The following EFCAB8 variants were observed in gnomAD, a reference collection of about 807,000 sequenced individuals.
EFCAB8 encodes EF-hand calcium binding domain 8, also known as EF-hand calcium-binding domain-containing protein 8.
Under a neutral mutation model 116.3 loss-of-function variants are expected in EFCAB8, and 100 were observed. That is an observed-to-expected ratio of 0.86 (90% CI 0.73 to 1.02). EFCAB8 has a LOEUF of 1.02. Among genes scored for constraint, EFCAB8 ranks in the 50% least tolerant of loss-of-function variants. The pLI is 0.00. For missense variants in EFCAB8, 1,320 were observed against 1,416.9 expected (o/e 0.93, Z 1.10); for synonymous variants, 558 against 567.9 (o/e 0.98, Z 0.25).
At chr20:32,881,026 T>C (rs1985308264) in intron 5 of EFCAB8, among the ~76,000 whole-genome samples, 1 of 152,204 alleles carries the variant, frequency 6.6e-6, no homozygotes, top group Non-Finnish European at 1.5e-5. Context: ...CATTTAGTCA[T>C]TAATAATTCA....
rs1416073369 is a variant in EFCAB8 at position 32,918,379 on chromosome 20, C to G, written c.2079C>G (p.Asn693Lys). ...TGGTACAGGTGCAAGATGTGAACAA[C>G]TGCCTGGCTGAGAGCCACAGGCCCA... ...LQPKRVQDVN[N>K]CLAESHRPSR... The change falls in exon 19 of 27, where the codon AAC becomes AAG. Residue 693 changes from asparagine to lysine, a missense_variant. By Grantham distance (94) the Asn-to-Lys change is moderately conservative (BLOSUM62 0). Transcript: ENST00000400522. 1 of 1,551,758 alleles carries G rather than the reference C, an allele frequency of 6.4e-7. No individual in the cohort carries two copies.
In EFCAB8 at chr20:32,900,790, G is replaced by A. The variant is rs186498151; in HGVS notation, c.1088+2167G>A. ...TCACCATGTTGTCCAGGATGGTCTC[G>A]ATCTCCCAACCTTGTGATCCACCCA... On this transcript the variant is annotated intron_variant, in intron 11 of 26. Transcript: ENST00000400522. Among the ~76,000 whole-genome samples the A allele has an allele frequency of 5.9e-3, 898 of 152,120 alleles. 11 individuals are homozygous for A. The highest frequency in any genetic ancestry group is 0.02 in the African/African-American group (847 of 41,488).
chr20:32,939,582 G>A (rs886951830), intron 22 of EFCAB8, among the ~76,000 whole-genome samples: 2 of 144,706 alleles, frequency 1.4e-5, no homozygotes, highest in African/African-American at 2.6e-5. Flanking sequence ...CTCGCCTGGC[G>A]GGCTGGCTTT....
intron 1 of EFCAB8, among the ~76,000 whole-genome samples, chr20:32,863,318 C>G (rs1984215192): frequency 6.6e-6 from 1 of 152,148 alleles, no homozygotes; most frequent in Non-Finnish European, 1.5e-5. Flanking sequence ...TCTGTCTGCT[C>G]TCCCGAAGTC....
chr20:32,863,197 A>C lies in EFCAB8; in HGVS notation c.-10-586A>C, dbSNP rs566987025. On this transcript the variant is annotated intron_variant, in intron 1 of 26. Transcript: ENST00000400522. ...TCTTGCCTGGTGGGACTTGCTGACG[A>C]GGTGGATTGGTGCTCCAAAGACCCT... 5.3e-5 allele frequency among the ~76,000 whole-genome samples: 8 copies of C among 152,124 alleles called. No homozygotes were observed. The South Asian group carries it at 1.5e-3, about 28-fold the overall frequency.
intron 22 of EFCAB8, among the ~76,000 whole-genome samples, chr20:32,932,941 G>A (rs1183395766): frequency 2.6e-5 from 4 of 152,148 alleles, no homozygotes; most frequent in Non-Finnish European, 5.9e-5. Flanking sequence ...ATATTAAAAT[G>A]TCTTGGGAAC....
At chr20:32,886,607 C>T (rs184070291) in intron 6 of EFCAB8, among the ~76,000 whole-genome samples, 3 of 152,156 alleles carry the variant, frequency 2.0e-5, no homozygotes, top group Admixed American at 6.5e-5. Flanking sequence ...GGGGGAGTCA[C>T]GATCACCATC....
intron 1 of EFCAB8, among the ~76,000 whole-genome samples, chr20:32,861,489 A>G (rs1600350192): frequency 6.6e-6 from 1 of 152,072 alleles, no homozygotes; most frequent in Admixed American, 6.5e-5. Context: ...GGATTTCTCC[A>G]TGCTGGCCAG....
chr20:32,888,682 A>G (rs568079206), intron 6 of EFCAB8, among the ~76,000 whole-genome samples: 3 of 152,256 alleles, frequency 2.0e-5, no homozygotes, highest in African/African-American at 7.2e-5. Flanking sequence ...ATGGAAGCAT[A>G]TTATAATGTT....
chr20:32,895,837 C>T (rs779292575), intron 9 of EFCAB8, among the ~76,000 whole-genome samples: 1 of 151,992 alleles, frequency 6.6e-6, no homozygotes, highest in Non-Finnish European at 1.5e-5. Context: ...TCCCAAAGTG[C>T]TGGGATTACA....
chr20:32,935,021 G>T (rs562198929), intron 22 of EFCAB8, among the ~76,000 whole-genome samples: 1 of 152,100 alleles, frequency 6.6e-6, no homozygotes, highest in African/African-American at 2.4e-5. Context: ...TAATCTAACA[G>T]ATGTAAGATG....
chr20:32,894,115 G>T (rs1330565018), intron 9 of EFCAB8, among the ~76,000 whole-genome samples: 1 of 152,220 alleles, frequency 6.6e-6, no homozygotes, highest in Non-Finnish European at 1.5e-5. Context: ...CTGAACTGGA[G>T]CCTGTCTAGA....
At chr20:32,861,579 G>A (rs34569597) in intron 1 of EFCAB8, among the ~76,000 whole-genome samples, 3,930 of 152,236 alleles carry the variant, frequency 0.026, 71 homozygotes, top group Non-Finnish European at 0.04. Context: ...GTGAGCCACC[G>A]CGCCTAGCCG....
chr20:32,926,625 G>C (rs1318269466), intron 20 of EFCAB8, among the ~76,000 whole-genome samples: 1 of 146,746 alleles, frequency 6.8e-6, no homozygotes, highest in Non-Finnish European at 1.5e-5. Flanking sequence ...TCGTCATTTA[G>C]CATTAGGTAT....
chr20:32,917,310 G>T lies in EFCAB8; in HGVS notation c.1866G>T (p.Lys622Asn). ...CTGGCCATATGCACAGGTTCCACAAGACCAAGCCAGTGCTCTTGTGCTACC... is the reference window on the plus strand; with the variant it reads ...CTGGCCATATGCACAGGTTCCACAATACCAAGCCAGTGCTCTTGTGCTACC... ...SKRITHFLFH[K>N]TKPVLLCYHW... The change falls in exon 18 of 27, where the codon AAG becomes AAT. Residue 622 changes from lysine to asparagine, a missense_variant. By Grantham distance (94) the Lys-to-Asn change is moderately conservative. Coordinates refer to ENST00000400522, the MANE Select transcript of EFCAB8 (RefSeq NM_001143967.2). 6.4e-7 allele frequency: 1 copy of T among 1,551,494 alleles called. No homozygotes were observed. The highest frequency in any genetic ancestry group is 8.7e-7 in the Non-Finnish European group (1 of 1,146,928).
At chr20:32,869,125 A>C (rs924242073) in intron 3 of EFCAB8, among the ~76,000 whole-genome samples, 3 of 152,094 alleles carry the variant, frequency 2.0e-5, no homozygotes, top group African/African-American at 7.2e-5. Flanking sequence ...TTTCTTCCTG[A>C]CTGTTGGTGG....
intron 3 of EFCAB8, among the ~76,000 whole-genome samples, chr20:32,870,763 A>G (rs1404166628): frequency 6.6e-6 from 1 of 152,068 alleles, no homozygotes; most frequent in Non-Finnish European, 1.5e-5. Flanking sequence ...CTGCCTCCCA[A>G]AGTGTTGGGA....
At position 32,931,184 on chromosome 20, in the gene EFCAB8, G is replaced by T. The variant is rs1192586985; in HGVS notation, c.2638G>T (p.Asp880Tyr). The T allele has an allele frequency of 6.5e-7, 1 of 1,541,994 alleles. No individual in the cohort carries two copies. Among genetic ancestry groups the T allele is most frequent in the Admixed American group, 2.0e-5 (1 of 49,870 alleles). Residue 880 changes from aspartate (D) to tyrosine (Y), a missense_variant, in exon 22 of 27, where the codon GAC becomes TAC. Coordinates refer to ENST00000400522, the MANE Select transcript of EFCAB8 (RefSeq NM_001143967.2). Reference sequence around the variant, plus strand: ...ACCCACACTTTATGTCTAGATCTGGGACATCAAGGATTACTGCGCATTGAT... The same window carrying T: ...ACCCACACTTTATGTCTAGATCTGGTACATCAAGGATTACTGCGCATTGAT... ...GDCKGYIKIW[D>Y]IKDYCALIDK... is the part of the protein sequence containing the mutation.
chr20:32,893,389 C>G, intron 9 of EFCAB8, 91 bp downstream of exon 9: 1 of 1,503,586 alleles, frequency 6.7e-7, no homozygotes, highest in Non-Finnish European at 9.0e-7. Context: ...CCCCCACTCC[C>G]TGCCTCTGCT....
Sources: gnomAD v4.1 joint callset for allele counts (sites outside exome capture counted in the v4.1 genomes callset) on GRCh38, gnomAD v4.1.1 for gene constraint, MANE v1.5 for transcripts, NCBI Gene and HGNC (gene_info 2026-07-23, HGNC 2026-07-21) for gene names.